The following PIP5K1B variants were observed in gnomAD, a reference collection of about 807,000 sequenced individuals.
PIP5K1B encodes phosphatidylinositol 4-phosphate 5-kinase type-1 beta.
In PIP5K1B, 42 loss-of-function variants were observed where a neutral mutation model predicts 67.0. That is an observed-to-expected ratio of 0.63 (90% CI 0.49 to 0.81). The LOEUF (loss-of-function observed/expected upper bound fraction) is 0.81, where lower values mean the gene tolerates loss of function less well. PIP5K1B is among the 30% of genes least tolerant of loss of function. PIP5K1B has a pLI of 0.00. For missense variants in PIP5K1B, 459 were observed against 646.3 expected, an observed-to-expected ratio of 0.71 and a Z score of 3.14; for synonymous variants, 214 against 231.4, an observed-to-expected ratio of 0.92 and a Z score of 0.68.
chr9:68,723,160 CTGTG>C (rs35701836), intron 1 of PIP5K1B, among the ~76,000 whole-genome samples: 1 of 150,726 alleles, frequency 6.6e-6, no homozygotes, highest in East Asian at 1.9e-4. Context: ...TAATATTCCT[CTGTG>C]TGTGTGTGTG....
chr9:68,977,502 G>A (rs1396437277), intron 14 of PIP5K1B, among the ~76,000 whole-genome samples: 1 of 152,226 alleles, frequency 6.6e-6, no homozygotes, highest in African/African-American at 2.4e-5. Flanking sequence ...CAGCCTGGGT[G>A]ATAGAGCAAG....
intron 7 of PIP5K1B, among the ~76,000 whole-genome samples, chr9:68,891,285 A>AT (rs1045287322): frequency 1.3e-5 from 2 of 152,192 alleles, no homozygotes; most frequent in African/African-American, 2.4e-5. Flanking sequence ...AAGTGATTTT[A>AT]TCCCAATTAT....
At chr9:68,779,750 C>A (rs535243074) in intron 2 of PIP5K1B, among the ~76,000 whole-genome samples, 1 of 152,194 alleles carries the variant, frequency 6.6e-6, no homozygotes, top group African/African-American at 2.4e-5. Flanking sequence ...GTTCCTTCCT[C>A]GAGGAAGCCC....
chr9:68,739,106 A>T (rs991260291), intron 1 of PIP5K1B, among the ~76,000 whole-genome samples: 2 of 152,026 alleles, frequency 1.3e-5, no homozygotes, highest in Non-Finnish European at 2.9e-5. Flanking sequence ...CCCCAGCACC[A>T]CTATTTTGAT....
intron 1 of PIP5K1B, chr9:68,707,529 T>G (rs878865601): frequency 6.6e-6 from 1 of 152,220 alleles, no homozygotes; most frequent in African/African-American, 2.4e-5. Flanking sequence ...AGGTGGTTTT[T>G]TAAATGGCAG....
At chr9:68,803,245 C>T (rs1259149357) in intron 2 of PIP5K1B, among the ~76,000 whole-genome samples, 2 of 152,002 alleles carry the variant, frequency 1.3e-5, no homozygotes, top group African/African-American at 4.8e-5. Context: ...ATAGTGCCTG[C>T]GAGATACTAT....
At chr9:68,965,852 TAATAC>T (rs1828997927) in intron 14 of PIP5K1B, among the ~76,000 whole-genome samples, 1 of 150,794 alleles carries the variant, frequency 6.6e-6, no homozygotes, top group Non-Finnish European at 1.5e-5. Context: ...CACATACCTG[TAATAC>T]CAGCTATTCA....
At chr9:68,758,842 G>GA (rs200400817) in intron 2 of PIP5K1B, among the ~76,000 whole-genome samples, 1,732 of 151,984 alleles carry the variant, frequency 0.011, 54 homozygotes, top group Admixed American at 0.065. Context: ...CCCAAGACAA[G>GA]AAAAAATCTC....
intron 7 of PIP5K1B, 62 bp from the exon 8 acceptor site, chr9:68,894,277 G>A (rs1213113276): frequency 1.3e-5 from 13 of 1,002,914 alleles, no homozygotes; most frequent in Non-Finnish European, 1.8e-5. Flanking sequence ...CACATCTTTA[G>A]TGGAGCATTA....
intron 14 of PIP5K1B, among the ~76,000 whole-genome samples, chr9:68,976,777 T>G (rs1829649688): frequency 6.6e-6 from 1 of 152,222 alleles, no homozygotes; most frequent in South Asian, 2.1e-4. Flanking sequence ...TTTGAGAATC[T>G]AATGCCACCA....
intron 15 of PIP5K1B, among the ~76,000 whole-genome samples, chr9:69,003,326 C>T (rs1026061030): frequency 5.3e-5 from 8 of 151,896 alleles, no homozygotes; most frequent in African/African-American, 1.9e-4. Context: ...CTACGATGGC[C>T]GAGAGAAAAG....
intron 2 of PIP5K1B, among the ~76,000 whole-genome samples, chr9:68,817,906 A>G (rs1204036076): frequency 2.0e-5 from 3 of 152,130 alleles, no homozygotes; most frequent in African/African-American, 7.2e-5. Flanking sequence ...GATTACAATA[A>G]GCAAGTATCT....
intron 2 of PIP5K1B, among the ~76,000 whole-genome samples, chr9:68,805,057 G>A (rs1257122195): frequency 6.6e-6 from 1 of 152,224 alleles, no homozygotes; most frequent in Non-Finnish European, 1.5e-5. Context: ...CATTCTTCAA[G>A]GAAGTCCTCA....
At position 68,871,086 on chromosome 9, in the gene PIP5K1B, T is replaced by A. The variant is rs982974377; in HGVS notation, c.201-5591T>A. Among the ~76,000 whole-genome samples, 3 of 152,122 alleles carry A rather than the reference T, an allele frequency of 2.0e-5. No homozygotes were observed. The East Asian group carries it at 5.8e-4, about 29-fold the overall frequency. Reference sequence around the variant, plus strand: ...TTGGTCATCAGGCTCTAAAACCCCATAAACAAAGCTGTGTTGTTATTAGTA... The same window carrying A: ...TTGGTCATCAGGCTCTAAAACCCCAAAAACAAAGCTGTGTTGTTATTAGTA... On this transcript the variant is annotated intron_variant, in intron 5 of 15. Coordinates refer to ENST00000265382, the MANE Select transcript of PIP5K1B (RefSeq NM_003558.4).
rs1564248010 is a variant in PIP5K1B, at chr9:68,934,951, A to C, written c.1263A>C (p.Ser421=). ...CNSIAALKAT[S]QEIVSSISQE... Reference sequence around the variant, plus strand: ...CAATCGCCGCCCTAAAGGCCACTTCACAGGAGATTGTGTCCTCAATTAGCC... The same window carrying C: ...CAATCGCCGCCCTAAAGGCCACTTCCCAGGAGATTGTGTCCTCAATTAGCC... The change falls in exon 13 of 16, where the codon TCA becomes TCC. Residue 421 remains serine (S), a synonymous_variant. Transcript: ENST00000265382. 1 of 1,613,570 alleles carries C rather than the reference A, an allele frequency of 6.2e-7. No individual in the cohort carries two copies. The highest frequency in any genetic ancestry group is 8.5e-7 in the Non-Finnish European group (1 of 1,179,636).
At chr9:68,761,537 G>C (rs1408025915) in intron 2 of PIP5K1B, among the ~76,000 whole-genome samples, 1 of 152,076 alleles carries the variant, frequency 6.6e-6, no homozygotes, top group Non-Finnish European at 1.5e-5. Context: ...GGCCAAAATT[G>C]GTCTCACTGG....
In PIP5K1B at chr9:68,758,481, T is replaced by A. The variant is rs74960993; in HGVS notation, c.-86+15824T>A. On this transcript the variant is annotated intron_variant, in intron 2 of 15. Coordinates refer to ENST00000265382, the MANE Select transcript of PIP5K1B (RefSeq NM_003558.4). ...AGTAACCACAATTCTTAAAACTCAC[T>A]AAGTAGGCTCAATAACTGAACAGAG... 6.2e-3 allele frequency among the ~76,000 whole-genome samples: 942 copies of A among 152,214 alleles called. 12 individuals carry two copies. The highest frequency in any genetic ancestry group is 0.022 in the African/African-American group (903 of 41,540).
chr9:68,969,290 C>T (rs1261818930), intron 14 of PIP5K1B, among the ~76,000 whole-genome samples: 1 of 149,378 alleles, frequency 6.7e-6, no homozygotes, highest in Non-Finnish European at 1.5e-5. Flanking sequence ...ATGGCGTGAA[C>T]CCAGGAGCCG....
chr9:68,961,038 G>A (rs548449671), intron 14 of PIP5K1B, among the ~76,000 whole-genome samples: 9 of 151,822 alleles, frequency 5.9e-5, no homozygotes, highest in South Asian at 2.1e-4. Flanking sequence ...GTGAAACCCC[G>A]TCTCTACTAA....
Sources: gnomAD v4.1 joint callset for allele counts (sites outside exome capture counted in the v4.1 genomes callset) on GRCh38, gnomAD v4.1.1 for gene constraint, MANE v1.5 for transcripts, NCBI Gene and HGNC (gene_info 2026-07-23, HGNC 2026-07-21) for gene names.